The following ZNF660 variants were observed in gnomAD, a reference collection of about 807,000 sequenced individuals.
ZNF660 encodes zinc finger protein 660.
A neutral mutation model predicts 23.2 loss-of-function variants in ZNF660; 24 were observed. The observed-to-expected ratio is 1.04, with a 90% CI of 0.75 to 1.46. The LOEUF (loss-of-function observed/expected upper bound fraction) is 1.46. Among genes scored for constraint, ZNF660 ranks in the 40% most tolerant of loss-of-function variants. The pLI, the probability that ZNF660 is intolerant of heterozygous loss-of-function variation, is 0.00. For missense variants in ZNF660, 373 were observed against 396.8 expected, an observed-to-expected ratio of 0.94 and a Z score of 0.51; for synonymous variants, 117 against 131.4, an observed-to-expected ratio of 0.89 and a Z score of 0.75.
chr3:44,596,350 A>C lies in ZNF660; in HGVS notation c.*1161A>C, dbSNP rs1321324020. ...GTTGTGAGGATTAAGTGAGTAATGC[A>C]TGAAATATATGATAAGCCAGACACG... On this transcript the variant is annotated 3_prime_UTR_variant, in exon 3 of 3. Transcript: ENST00000322734. The C allele has an allele frequency of 6.6e-6, 1 of 152,220 alleles. No individual in the cohort carries two copies. The highest frequency in any genetic ancestry group is 2.4e-5 in the African/African-American group (1 of 41,456). 9.4% of individuals were successfully genotyped at this position (152,220 alleles called of 1,614,324 possible). A position where few individuals can be genotyped will look rare whatever the true frequency, so the allele number is the denominator to read the frequency against.
In ZNF660 at chr3:44,594,636, G is replaced by T. The variant is rs780922491; in HGVS notation, c.443G>T (p.Gly148Val). The change falls in exon 3 of 3, where the codon GGC becomes GTC. Residue 148 changes from glycine to valine, a missense_variant. Coordinates refer to ENST00000322734, the MANE Select transcript of ZNF660 (RefSeq NM_173658.4). ...GGGAAAGCCTTTAGTCGGAGTTCGG[G>T]CCTTATATCACATCACAGAGTTCAC... ...ECGKAFSRSS[G>V]LISHHRVHTG... 6.2e-7 allele frequency: 1 copy of T among 1,612,770 alleles called. No individual in the cohort carries two copies. The highest frequency in any genetic ancestry group is 1.3e-5 in the African/African-American group (1 of 74,502).
chr3:44,586,983 T>C (rs550943081), intron 2 of ZNF660: 1 of 152,370 alleles, frequency 6.6e-6, no homozygotes, highest in African/African-American at 2.4e-5. Context: ...TGGCATTTTT[T>C]GGAATACAGA....
At chr3:44,588,208 C>T (rs543288096) in intron 2 of ZNF660, among the ~76,000 whole-genome samples, 1 of 152,266 alleles carries the variant, frequency 6.6e-6, no homozygotes, top group East Asian at 1.9e-4. Context: ...AGCTTTTACT[C>T]ATGGTGGAAA....
Position 44,586,112 on chromosome 3 carries a change from A to G in ZNF660, c.-282A>G, listed in dbSNP as rs1700219604. The G allele has an allele frequency of 6.6e-6, 1 of 152,184 alleles. No individual in the cohort carries two copies. The allele number at this position is 152,184 out of a possible 1,614,324, so 9.4% of individuals were successfully genotyped here. A position where few individuals can be genotyped will look rare whatever the true frequency, so the allele number is the denominator to read the frequency against. ...ATTTATATCTGTTTACAGTGACTCA[A>G]GACCCTCTTAGGAACTTCTTCACTG... On this transcript the variant is annotated 5_prime_UTR_variant, in exon 2 of 3. Coordinates refer to ENST00000322734, the MANE Select transcript of ZNF660 (RefSeq NM_173658.4).
intron 2 of ZNF660, among the ~76,000 whole-genome samples, chr3:44,592,089 C>T (rs974669599): frequency 6.6e-6 from 1 of 152,122 alleles, no homozygotes; most frequent in Non-Finnish European, 1.5e-5. Context: ...TTCAGGAAAT[C>T]TATTGTATTA....
Position 44,597,825 on chromosome 3 carries a change from A to ATT in ZNF660, c.*2638_*2639dup, listed in dbSNP as rs1294472669. The ATT allele has an allele frequency of 6.6e-6, 1 of 152,220 alleles. No individual in the cohort carries two copies. Among genetic ancestry groups the ATT allele is most frequent in the East Asian group, 1.9e-4 (1 of 5,204 alleles). 9.4% of individuals were successfully genotyped at this position (152,220 alleles called of 1,614,324 possible). ...AGAACTGAATATAGGAGAGCTTCAT[A>ATT]TTTCTTGCCCCAGGCAGGCGAGGAT... is the stretch of plus-strand genomic sequence containing the variant. On this transcript the variant is annotated 3_prime_UTR_variant, in exon 3 of 3. Transcript: ENST00000322734. The surrounding 1 kb of genome is among the most constrained non-coding windows in gnomAD (Gnocchi z 4.1).
rs1292784487 is a variant in ZNF660 at position 44,595,042 on chromosome 3, C to A, written c.849C>A (p.Phe283Leu). The A allele has an allele frequency of 1.9e-6, 3 of 1,613,792 alleles. No individual in the cohort carries two copies. Among genetic ancestry groups the A allele is most frequent in the Non-Finnish European group, 2.5e-6 (3 of 1,179,986 alleles). Residue 283 changes from phenylalanine to leucine, a missense_variant, in exon 3 of 3, where the codon TTC (phenylalanine) becomes TTA (leucine). Transcript: ENST00000322734. ...AATGTAATGAATGTGGGAAAACCTT[C>A]AGGCAGACTTCTCAAGTTATTCTAC... ...PYKCNECGKT[F>L]RQTSQVILHL...
Position 44,594,397 on chromosome 3 carries a change from T to G in ZNF660, c.204T>G (p.His68Gln). Residue 68 changes from histidine (H) to glutamine (Q), a missense_variant, in exon 3 of 3, where the codon CAT (histidine) becomes CAG (glutamine). Transcript: ENST00000322734. ...GTCAGAGTGCAAACCTCACAGTACA[T>G]GAGCGAATCCACACGGGAGAGAAAC... ...AFSQSANLTV[H>Q]ERIHTGEKPY... The G allele has an allele frequency of 6.2e-7, 1 of 1,613,962 alleles. No homozygotes were observed. The highest frequency in any genetic ancestry group is 8.5e-7 in the Non-Finnish European group (1 of 1,179,988).
rs760615412 is a variant in ZNF660, at chr3:44,594,360, G to A, written c.167G>A (p.Gly56Glu). 1.9e-6 allele frequency: 3 copies of A among 1,614,196 alleles called. No homozygotes were observed. Among genetic ancestry groups the A allele is most frequent in the Non-Finnish European group, 8.5e-7 (1 of 1,180,040 alleles). ...EKRQYVCTEC[G>E]KAFSQSANLT... ...AGACAGTATGTATGTACTGAGTGTG[G>A]GAAAGCCTTTAGTCAGAGTGCAAAC... is the stretch of plus-strand genomic sequence containing the variant. Residue 56 changes from glycine (G) to glutamate (E), a missense_variant, in exon 3 of 3, where the codon GGG becomes GAG. Transcript: ENST00000322734.
At chr3:44,585,244 C>T (rs916915764) in intron 1 of ZNF660, among the ~76,000 whole-genome samples, 4 of 152,174 alleles carry the variant, frequency 2.6e-5, no homozygotes, top group African/African-American at 7.2e-5. Flanking sequence ...GTGGTGACAG[C>T]ACTGTGTCGT....
intron 2 of ZNF660, among the ~76,000 whole-genome samples, chr3:44,589,727 C>G (rs894456758): frequency 6.6e-6 from 1 of 152,154 alleles, no homozygotes; most frequent in Non-Finnish European, 1.5e-5. Flanking sequence ...CAGTTTATAT[C>G]CATATTTTTC....
At chr3:44,588,522 T>C (rs1274014071) in intron 2 of ZNF660, among the ~76,000 whole-genome samples, 1 of 152,118 alleles carries the variant, frequency 6.6e-6, no homozygotes, top group Non-Finnish European at 1.5e-5. Context: ...TTTTTTAATG[T>C]ATTTATTTAT....
intron 2 of ZNF660, among the ~76,000 whole-genome samples, chr3:44,589,912 A>G (rs972212256): frequency 2.0e-5 from 3 of 148,016 alleles, no homozygotes; most frequent in Non-Finnish European, 4.5e-5. Context: ...TGAAGTTTAT[A>G]TAATATTATG....
At chr3:44,593,469 T>G (rs1700498541) in intron 2 of ZNF660, among the ~76,000 whole-genome samples, 1 of 152,084 alleles carries the variant, frequency 6.6e-6, no homozygotes, top group South Asian at 2.1e-4. Flanking sequence ...ATCCCAGCAC[T>G]TTGGGAGGCT....
intron 2 of ZNF660, among the ~76,000 whole-genome samples, chr3:44,592,539 A>G (rs933195759): frequency 1.3e-5 from 2 of 152,186 alleles, no homozygotes; most frequent in African/African-American, 4.8e-5. Context: ...GTTTGGTTTC[A>G]TGTATTGGCA....
rs1442035395 is a variant in ZNF660, at chr3:44,599,442, A to G, written c.*4253A>G. 2 of 152,224 alleles carry G rather than the reference A, an allele frequency of 1.3e-5. No individual in the cohort carries two copies. Among genetic ancestry groups the G allele is most frequent in the Non-Finnish European group, 2.9e-5 (2 of 68,030 alleles). 9.4% of individuals were successfully genotyped at this position (152,224 alleles called of 1,614,324 possible). A position where few individuals can be genotyped will look rare whatever the true frequency, so the allele number is the denominator to read the frequency against. On this transcript the variant is annotated 3_prime_UTR_variant, in exon 3 of 3. Transcript: ENST00000322734. Reference sequence around the variant, plus strand: ...AACAGCTTTAAGTAACTGAGTAATTAGGATTAATTAGTAGCTGTTGAATCT... The same window carrying G: ...AACAGCTTTAAGTAACTGAGTAATTGGGATTAATTAGTAGCTGTTGAATCT...
At position 44,596,309 on chromosome 3, in the gene ZNF660, C is replaced by T. The variant is rs1051744555; in HGVS notation, c.*1120C>T. The T allele has an allele frequency of 6.6e-6, 1 of 152,172 alleles. No individual in the cohort carries two copies. Among genetic ancestry groups the T allele is most frequent in the African/African-American group, 2.4e-5 (1 of 41,454 alleles). 9.4% of individuals were successfully genotyped at this position (152,172 alleles called of 1,614,324 possible). ...CCTGTGTGTAAAAAAGGAACAATTACCTACCTTACAAGGTTGTTGTGAGGA... is the reference window on the plus strand; with the variant it reads ...CCTGTGTGTAAAAAAGGAACAATTATCTACCTTACAAGGTTGTTGTGAGGA... On this transcript the variant is annotated 3_prime_UTR_variant, in exon 3 of 3. Transcript: ENST00000322734.
chr3:44,599,331 G>C lies in ZNF660; in HGVS notation c.*4142G>C, dbSNP rs1457963708. ...AAGACAAAGAATTCTGCTTAGAGAG[G>C]AAAGTGTCGCCCTGGACTTAGAAAT... is the stretch of plus-strand genomic sequence containing the variant. On this transcript the variant is annotated 3_prime_UTR_variant, in exon 3 of 3. Coordinates refer to ENST00000322734, the MANE Select transcript of ZNF660 (RefSeq NM_173658.4). 6.6e-6 allele frequency: 1 copy of C among 152,196 alleles called. No homozygotes were observed. Among genetic ancestry groups the C allele is most frequent in the East Asian group, 1.9e-4 (1 of 5,200 alleles). The allele number at this position is 152,196 out of a possible 1,614,324, so 9.4% of individuals were successfully genotyped here.
In ZNF660 at chr3:44,594,436, G is replaced by A. The variant is rs1444032106; in HGVS notation, c.243G>A (p.Lys81=). The change falls in exon 3 of 3, where the codon AAG becomes AAA. Residue 81 remains lysine, a synonymous_variant. Coordinates refer to ENST00000322734, the MANE Select transcript of ZNF660 (RefSeq NM_173658.4). The part of the protein sequence containing the change: ...IHTGEKPYKC[K]ECGKAFSHSS... The stretch of plus-strand genomic sequence containing the variant: ...CGGGAGAGAAACCCTATAAGTGTAA[G>A]GAGTGTGGAAAAGCTTTCAGTCATA... The A allele has an allele frequency of 6.2e-7, 1 of 1,613,958 alleles. No individual in the cohort carries two copies. Among genetic ancestry groups the A allele is most frequent in the East Asian group, 2.2e-5 (1 of 44,856 alleles).
Sources: gnomAD v4.1 joint callset for allele counts (sites outside exome capture counted in the v4.1 genomes callset) on GRCh38, gnomAD v4.1.1 for gene constraint, Gnocchi (gnomAD v3.1) non-coding constraint, MANE v1.5 for transcripts, NCBI Gene and HGNC (gene_info 2026-07-23, HGNC 2026-07-21) for gene names.